Variants in RPS6KC1 observed in about 807,000 individuals in gnomAD.
RPS6KC1 encodes inactive ribosomal protein S6 kinase delta-1.
Under a neutral mutation model 103.8 loss-of-function variants are expected in RPS6KC1, and 54 were observed. The ratio of observed to expected loss-of-function variants is 0.52; its 90% CI spans 0.42 to 0.65. The LOEUF is 0.65. Ranked by LOEUF, RPS6KC1 falls within the 30% of genes least tolerant of loss-of-function variation. RPS6KC1 has a pLI of 0.00. For synonymous variants in RPS6KC1, 439 were observed against 438.7 expected (o/e 1.00, Z -0.01); for missense variants, 1,151 against 1,253.8 (o/e 0.92, Z 1.24).
At chr1:213,544,884 G>A in the RPS6KC1 span, among the ~76,000 whole-genome samples, 1 of 152,140 alleles carries the variant, frequency 6.6e-6, no homozygotes, top group Non-Finnish European at 1.5e-5. Flanking sequence ...AAGAGCAGTG[G>A]AGCAAAGTCA....
At chr1:213,390,052 C>T in the RPS6KC1 span, among the ~76,000 whole-genome samples, 1 of 152,164 alleles carries the variant, frequency 6.6e-6, no homozygotes, top group African/African-American at 2.4e-5. Flanking sequence ...CAATGTTTTG[C>T]TTTCCCCAGC....
At chr1:213,810,984 C>T in the RPS6KC1 span, among the ~76,000 whole-genome samples, 2 of 152,208 alleles carry the variant, frequency 1.3e-5, no homozygotes, top group Non-Finnish European at 2.9e-5. Context: ...GAATGGGATT[C>T]CTATGACCAA....
chr1:213,233,602 C>T (rs2094153085), intron 10 of RPS6KC1, among the ~76,000 whole-genome samples: 1 of 152,080 alleles, frequency 6.6e-6, no homozygotes. Context: ...TCTTCCTCTT[C>T]TTCCTCTTCC....
the RPS6KC1 span, among the ~76,000 whole-genome samples, chr1:213,599,686 C>T: frequency 4.6e-5 from 7 of 152,104 alleles, no homozygotes; most frequent in African/African-American, 1.7e-4. Context: ...ACTTTTTTGC[C>T]CTCAAATCTG....
At chr1:213,703,727 C>A in the RPS6KC1 span, among the ~76,000 whole-genome samples, 1 of 152,050 alleles carries the variant, frequency 6.6e-6, no homozygotes, top group Non-Finnish European at 1.5e-5. Flanking sequence ...TTATTTGTTT[C>A]TTTTCTCTTG....
the RPS6KC1 span, among the ~76,000 whole-genome samples, chr1:213,469,586 C>T: frequency 6.6e-6 from 1 of 152,150 alleles, no homozygotes; most frequent in Non-Finnish European, 1.5e-5. Flanking sequence ...AGTGAGGCCT[C>T]CTCCAATGTC....
chr1:213,851,559 G>A, the RPS6KC1 span, among the ~76,000 whole-genome samples: 1 of 152,192 alleles, frequency 6.6e-6, no homozygotes, highest in South Asian at 2.1e-4. Context: ...TTGCCCCCAG[G>A]TAATCGCATT....
the RPS6KC1 span, among the ~76,000 whole-genome samples, chr1:213,588,465 AT>A: frequency 1.3e-5 from 2 of 151,602 alleles, no homozygotes; most frequent in African/African-American, 4.8e-5. Flanking sequence ...CACCCAGCTA[AT>A]TTTTTTGTAT....
At chr1:213,711,447 G>T in the RPS6KC1 span, among the ~76,000 whole-genome samples, 1 of 151,998 alleles carries the variant, frequency 6.6e-6, no homozygotes. Context: ...CTTGCATTGG[G>T]TTAAAACATG....
At chr1:213,256,518 C>T (rs150689285) in intron 12 of RPS6KC1, among the ~76,000 whole-genome samples, 3 of 149,648 alleles carry the variant, frequency 2.0e-5, no homozygotes, top group East Asian at 2.0e-4. Context: ...CTAACACTAA[C>T]GATAGCTGAT....
intron 14 of RPS6KC1, among the ~76,000 whole-genome samples, chr1:213,264,670 G>A (rs1401724229): frequency 6.6e-6 from 1 of 151,940 alleles, no homozygotes. Flanking sequence ...CTCATGTTGA[G>A]GAAACATCAT....
chr1:213,157,097 C>G (rs1343135334), intron 6 of RPS6KC1, among the ~76,000 whole-genome samples: 1 of 152,060 alleles, frequency 6.6e-6, no homozygotes, highest in Non-Finnish European at 1.5e-5. Flanking sequence ...AGATATATTG[C>G]TTTCATTTTC....
chr1:213,583,835 A>G, the RPS6KC1 span, among the ~76,000 whole-genome samples: 5 of 122,664 alleles, frequency 4.1e-5, no homozygotes, highest in African/African-American at 1.2e-4. Context: ...AAAAAAAAAA[A>G]AAAGAAAAAA....
intron 3 of RPS6KC1, 94 bp downstream of exon 3, chr1:213,077,910 C>G (rs532080835): frequency 1.7e-6 from 1 of 589,110 alleles, no homozygotes; most frequent in Admixed American, 4.2e-5. Flanking sequence ...GTCAGAAGCC[C>G]TTTTACTTAT....
chr1:213,052,788 TGCCTCG>T (rs2148242725), intron 1 of RPS6KC1, among the ~76,000 whole-genome samples: 1 of 152,278 alleles, frequency 6.6e-6, no homozygotes, highest in African/African-American at 2.4e-5. Flanking sequence ...TTGATCCGCC[TGCCTCG>T]GCCTCCCAAA....
chr1:213,074,842 A>C (rs564203060), intron 2 of RPS6KC1, among the ~76,000 whole-genome samples: 2 of 103,230 alleles, frequency 1.9e-5, no homozygotes, highest in African/African-American at 7.0e-5. Flanking sequence ...AACTAGAATA[A>C]ATTTTTTTTT....
the RPS6KC1 span, among the ~76,000 whole-genome samples, chr1:213,732,043 G>A: frequency 6.6e-6 from 1 of 151,924 alleles, no homozygotes; most frequent in African/African-American, 2.4e-5. Flanking sequence ...TGTCTTATGG[G>A]GTGAGAGGCT....
the RPS6KC1 span, among the ~76,000 whole-genome samples, chr1:213,315,648 G>C: frequency 1.3e-5 from 2 of 152,224 alleles, no homozygotes; most frequent in Admixed American, 6.5e-5. Context: ...ATATAGGAAA[G>C]AGTGGTTAAG....
chr1:213,518,212 AAT>A, the RPS6KC1 span, among the ~76,000 whole-genome samples: 2 of 152,178 alleles, frequency 1.3e-5, no homozygotes, highest in Non-Finnish European at 2.9e-5. Flanking sequence ...GGCCCCCTAA[AAT>A]ATATGTCCTT....
Sources: allele counts gnomAD v4.1 joint callset (sites outside exome capture counted in the v4.1 genomes callset), GRCh38; gene constraint gnomAD v4.1.1; transcripts MANE v1.5; gene names NCBI Gene and HGNC (gene_info 2026-07-23, HGNC 2026-07-21).